TRPS1: variants seen among roughly 807,000 people sequenced by gnomAD.
The protein encoded by TRPS1 is transcriptional repressor GATA binding 1, also known as zinc finger transcription factor Trps1.
Under a neutral mutation model 101.2 loss-of-function variants are expected in TRPS1, and 6 were observed. The ratio of observed to expected loss-of-function variants is 0.06; its 90% CI spans 0.03 to 0.12. The LOEUF (loss-of-function observed/expected upper bound fraction) is 0.12. Among genes scored for constraint, TRPS1 ranks in the 10% least tolerant of loss-of-function variants. The pLI, the probability that TRPS1 is intolerant of heterozygous loss-of-function variation, is 1.00. For missense variants in TRPS1, 1,363 were observed against 1,567.0 expected (o/e 0.87, Z 2.20); for synonymous variants, 578 against 589.8 (o/e 0.98, Z 0.29).
rs1443046747 is a variant in TRPS1, at chr8:115,587,143, C to T, written c.2558G>A (p.Arg853Gln). The T allele has an allele frequency of 1.2e-6, 2 of 1,614,112 alleles. No homozygotes were observed. Among genetic ancestry groups the T allele is most frequent in the Non-Finnish European group, 1.7e-6 (2 of 1,180,002 alleles). The change falls in exon 5 of 7, where the codon CGA (arginine) becomes CAA (glutamine). Residue 853 changes from arginine to glutamine, a missense_variant. By Grantham distance (43) the Arg-to-Gln change is conservative. Coordinates refer to ENST00000395715, the MANE Select transcript of TRPS1 (RefSeq NM_014112.5). ...TTCCACAGCCAAGCCATAAATAGGT[C>T]GCGCCAGATGGGCGGCCTCCACATT... ...SPNVEAAHLA[R>Q]PIYGLAVETK... is the part of the protein sequence containing the mutation.
intron 5 of TRPS1, among the ~76,000 whole-genome samples, chr8:115,491,505 T>C (rs992929962): frequency 6.6e-6 from 1 of 152,122 alleles, no homozygotes; most frequent in African/African-American, 2.4e-5. Flanking sequence ...TGGAGTGTGC[T>C]GGCGTATGCC....
chr8:115,621,847 C>T (rs550317233), intron 2 of TRPS1, among the ~76,000 whole-genome samples: 7 of 151,350 alleles, frequency 4.6e-5, no homozygotes, highest in Admixed American at 2.0e-4. Context: ...ACCCAGGAAG[C>T]GGAGGTTGCA....
intron 5 of TRPS1, among the ~76,000 whole-genome samples, chr8:115,528,301 T>C (rs1331347029): frequency 6.6e-6 from 1 of 152,068 alleles, no homozygotes; most frequent in Non-Finnish European, 1.5e-5. Context: ...AAATGAGTTA[T>C]AATAACAACT....
At chr8:115,525,396 G>C (rs551800421) in intron 5 of TRPS1, among the ~76,000 whole-genome samples, 2 of 152,136 alleles carry the variant, frequency 1.3e-5, no homozygotes, top group South Asian at 2.1e-4. Flanking sequence ...TCTCTATCAG[G>C]CTCACTCAGC....
chr8:115,557,010 A>G (rs1282357341), intron 5 of TRPS1, among the ~76,000 whole-genome samples: 2 of 152,190 alleles, frequency 1.3e-5, no homozygotes, highest in African/African-American at 2.4e-5. Context: ...ACAATTCCAC[A>G]TGGCTGAAGA....
intron 5 of TRPS1, among the ~76,000 whole-genome samples, chr8:115,463,378 T>C (rs939634701): frequency 6.6e-5 from 10 of 152,222 alleles, no homozygotes; most frequent in African/African-American, 2.4e-4. Flanking sequence ...ATATTTATTT[T>C]ATCCTCAGAG....
chr8:115,536,436 T>C (rs1443875767), intron 5 of TRPS1, among the ~76,000 whole-genome samples: 1 of 145,052 alleles, frequency 6.9e-6, no homozygotes, highest in Non-Finnish European at 1.5e-5. Flanking sequence ...GGCAGGAGAA[T>C]GGCGTGAACC....
intron 5 of TRPS1, among the ~76,000 whole-genome samples, chr8:115,507,327 C>G (rs1815471089): frequency 6.6e-6 from 1 of 152,000 alleles, no homozygotes; most frequent in South Asian, 2.1e-4. Context: ...AATTAATAAC[C>G]ATTCAGGGTC....
intron 5 of TRPS1, among the ~76,000 whole-genome samples, chr8:115,468,061 C>A (rs1029510745): frequency 1.3e-5 from 2 of 152,174 alleles, no homozygotes; most frequent in East Asian, 1.9e-4. Context: ...TAAGGAATGA[C>A]AAACTAGAGC....
intron 1 of TRPS1, among the ~76,000 whole-genome samples, chr8:115,631,692 T>A (rs994700728): frequency 6.6e-6 from 1 of 152,030 alleles, no homozygotes; most frequent in African/African-American, 2.4e-5. Context: ...TTGACACACT[T>A]AGAAATTTCT....
Position 115,491,934 on chromosome 8 carries a change from G to A in TRPS1, c.2701-73482C>T, listed in dbSNP as rs143506912. 5.2e-3 allele frequency among the ~76,000 whole-genome samples: 790 copies of A among 152,196 alleles called. 3 individuals are homozygous for A. Among genetic ancestry groups the A allele is most frequent in the Admixed American group, 8.3e-3 (127 of 15,280 alleles). On this transcript the variant is annotated intron_variant, in intron 5 of 6. Transcript: ENST00000395715. The stretch of plus-strand genomic sequence containing the variant: ...TTATGATAAATGAAATTTGTGGAAA[G>A]CAAATATCCTAGGGATATGGCTTTT...
In TRPS1 at chr8:115,556,031, A is replaced by AAATAAAAT. The variant is rs1364444921; in HGVS notation, c.2700+30962_2700+30969dup. ...CAGAGACTTTGTCTGAAAAAAAATA[A>AAATAAAAT]AATAAAATAAAGTAAAAAGAACTTT... On this transcript the variant is annotated intron_variant, in intron 5 of 6. Transcript: ENST00000395715. Among the ~76,000 whole-genome samples the AAATAAAAT allele has an allele frequency of 6.6e-5, 10 of 152,208 alleles. No individual in the cohort carries two copies. The East Asian group carries it at 1.7e-3, about 27-fold the overall frequency.
intron 4 of TRPS1, among the ~76,000 whole-genome samples, chr8:115,603,406 T>C (rs1203948309): frequency 1.3e-5 from 2 of 152,124 alleles, no homozygotes; most frequent in African/African-American, 2.4e-5. Context: ...CAGAAGAATA[T>C]ATAATCTCAT....
chr8:115,548,903 T>G (rs1816640712), intron 5 of TRPS1, among the ~76,000 whole-genome samples: 1 of 152,212 alleles, frequency 6.6e-6, no homozygotes, highest in African/African-American at 2.4e-5. Flanking sequence ...TTTCTCTCCC[T>G]AATAGATGAA....
chr8:115,478,526 G>A (rs905556313), intron 5 of TRPS1, among the ~76,000 whole-genome samples: 3 of 151,984 alleles, frequency 2.0e-5, no homozygotes, highest in Non-Finnish European at 2.9e-5. Context: ...ATTCAAGGCC[G>A]GGCACAGTGG....
chr8:115,535,544 A>AGC (rs1035911281), intron 5 of TRPS1, among the ~76,000 whole-genome samples: 24 of 149,010 alleles, frequency 1.6e-4, no homozygotes, highest in Non-Finnish European at 3.4e-4. Context: ...GCATATATAT[A>AGC]GCGCATATAT....
At chr8:115,595,763 A>C (rs1463801964) in intron 4 of TRPS1, among the ~76,000 whole-genome samples, 1 of 151,900 alleles carries the variant, frequency 6.6e-6, no homozygotes, top group Non-Finnish European at 1.5e-5. Flanking sequence ...ATCTTATTCC[A>C]AGACTTGATA....
chr8:115,440,293 A>G (rs936113662), intron 5 of TRPS1, among the ~76,000 whole-genome samples: 4 of 152,246 alleles, frequency 2.6e-5, no homozygotes, highest in African/African-American at 9.6e-5. Context: ...CCTGAGAAGT[A>G]GAAAATGTAA....
chr8:115,430,757 G>A (rs1813298189), intron 5 of TRPS1, among the ~76,000 whole-genome samples: 1 of 151,900 alleles, frequency 6.6e-6, no homozygotes, highest in Non-Finnish European at 1.5e-5. Context: ...GTAAATGAAT[G>A]GAATCATTTT....
Sources: allele counts gnomAD v4.1 joint callset (sites outside exome capture counted in the v4.1 genomes callset), GRCh38; gene constraint gnomAD v4.1.1; transcripts MANE v1.5; gene names NCBI Gene and HGNC (gene_info 2026-07-23, HGNC 2026-07-21).